Variants in DENND2A observed in about 807,000 individuals in gnomAD.
DENND2A encodes DENN domain-containing protein 2A.
In DENND2A, 53 loss-of-function variants were observed where a neutral mutation model predicts 105.3. The ratio of observed to expected loss-of-function variants is 0.50; its 90% CI spans 0.40 to 0.63. The LOEUF is 0.63. Ranked by LOEUF, DENND2A falls within the 30% of genes least tolerant of loss-of-function variation. The pLI is 0.00. For missense variants in DENND2A, 1,138 were observed against 1,279.6 expected, an observed-to-expected ratio of 0.89 and a Z score of 1.69; for synonymous variants, 522 against 508.4, an observed-to-expected ratio of 1.03 and a Z score of -0.36.
chr7:140,547,239 C>T (rs1796945956), intron 12 of DENND2A, among the ~76,000 whole-genome samples: 1 of 152,162 alleles, frequency 6.6e-6, no homozygotes, highest in African/African-American at 2.4e-5. Flanking sequence ...TACATGCATT[C>T]TCAATGAAGG....
In DENND2A at chr7:140,527,994, C is replaced by T. The variant is rs751939133; in HGVS notation, c.2328-499G>A. Reference sequence around the variant, plus strand: ...TAGCTGGGACTGCAGGCACGCGCCACCACACCTGGCTAATTTTTGCATTTT... The same window carrying T: ...TAGCTGGGACTGCAGGCACGCGCCATCACACCTGGCTAATTTTTGCATTTT... On this transcript the variant is annotated intron_variant, in intron 14 of 19. Coordinates refer to ENST00000496613, the MANE Select transcript of DENND2A (RefSeq NM_015689.5). This position sits in a 1 kb window ranked among gnomAD's most constrained non-coding sequence, Gnocchi z 4.9. Among the ~76,000 whole-genome samples, 79 of 151,986 alleles carry T rather than the reference C, an allele frequency of 5.2e-4. 1 individual carries two copies. The highest frequency in any genetic ancestry group is 9.0e-4 in the Non-Finnish European group (61 of 68,018).
intron 14 of DENND2A, among the ~76,000 whole-genome samples, chr7:140,538,245 C>T (rs1392733140): frequency 1.3e-5 from 2 of 152,108 alleles, no homozygotes; most frequent in Non-Finnish European, 2.9e-5. Flanking sequence ...GAGAGTGCTG[C>T]GGGGGTGGCT....
intron 5 of DENND2A, among the ~76,000 whole-genome samples, chr7:140,580,550 C>T (rs1337326848): frequency 1.3e-5 from 2 of 152,210 alleles, no homozygotes; most frequent in Admixed American, 1.3e-4. Context: ...GAATGCCTGG[C>T]CTCAAGCAAT....
Position 140,602,362 on chromosome 7 carries a change from G to A in DENND2A, c.36C>T (p.Asp12=). 2.5e-6 allele frequency: 4 copies of A among 1,590,080 alleles called. No individual in the cohort carries two copies. The highest frequency in any genetic ancestry group is 2.2e-5 in the South Asian group (2 of 90,478). The part of the protein sequence containing the change: ...DMFSLDMIIS[D]PAAEASRAGK... ...CAGCCCTGCTGGCTTCTGCAGCTGG[G>A]TCACTGATGATCATATCCAAGCTGA... The change falls in exon 3 of 20, where the codon GAC becomes GAT. Residue 12 remains aspartate (D), a synonymous_variant. Coordinates refer to ENST00000496613, the MANE Select transcript of DENND2A (RefSeq NM_015689.5).
At position 140,523,764 on chromosome 7, in the gene DENND2A, A is replaced by C. The variant is rs542582094; in HGVS notation, c.2548-340T>G. Among the ~76,000 whole-genome samples, 103 of 152,134 alleles carry C rather than the reference A, an allele frequency of 6.8e-4. 1 individual carries two copies. Among genetic ancestry groups the C allele is most frequent in the Admixed American group, 3.6e-3 (55 of 15,266 alleles). ...TAATGTTTTGTATTTTTAGTAGTTT[A>C]GTTTCACCATGTTAGCCAGGCTGGT... On this transcript the variant is annotated intron_variant, in intron 16 of 19. Coordinates refer to ENST00000496613, the MANE Select transcript of DENND2A (RefSeq NM_015689.5). This position sits in a 1 kb window ranked among gnomAD's most constrained non-coding sequence, Gnocchi z 4.5.
chr7:140,591,013 TG>T (rs1362322697), intron 3 of DENND2A, among the ~76,000 whole-genome samples: 1 of 152,000 alleles, frequency 6.6e-6, no homozygotes, highest in Non-Finnish European at 1.5e-5. Context: ...AAAATGAAGA[TG>T]GGGGTGGGCG....
At chr7:140,572,571 G>A (rs1018944772) in intron 6 of DENND2A, among the ~76,000 whole-genome samples, 1 of 151,454 alleles carries the variant, frequency 6.6e-6, no homozygotes, top group African/African-American at 2.4e-5. Flanking sequence ...GACCAGCCTG[G>A]TCAATATGGT....
chr7:140,635,441 T>A (rs1800887950), intron 1 of DENND2A, among the ~76,000 whole-genome samples: 4 of 152,186 alleles, frequency 2.6e-5, no homozygotes, highest in Admixed American at 2.6e-4. Context: ...GATAAGCCCT[T>A]CAGATAAGAT....
chr7:140,592,454 G>C (rs1235924221), intron 3 of DENND2A, among the ~76,000 whole-genome samples: 2 of 151,886 alleles, frequency 1.3e-5, no homozygotes, highest in South Asian at 2.1e-4. Context: ...GTTGTGATCT[G>C]CCCACCTCAG....
intron 1 of DENND2A, among the ~76,000 whole-genome samples, chr7:140,638,622 G>A (rs547511650): frequency 7.9e-5 from 12 of 152,142 alleles, no homozygotes; most frequent in African/African-American, 2.2e-4. Flanking sequence ...GACAGCTCCC[G>A]CCTCACCTCT....
At chr7:140,566,994 C>T (rs1797864938) in intron 9 of DENND2A, 92 bp downstream of exon 9, 15 of 1,197,288 alleles carry the variant, frequency 1.3e-5, no homozygotes, top group Non-Finnish European at 1.7e-5. Flanking sequence ...GCTAGGTGTT[C>T]CTCAGACTCC....
At chr7:140,621,746 C>A (rs1453329586) in intron 1 of DENND2A, among the ~76,000 whole-genome samples, 1 of 152,130 alleles carries the variant, frequency 6.6e-6, no homozygotes, top group Non-Finnish European at 1.5e-5. Context: ...ATAAGATGCA[C>A]ATGAATGTCT....
rs1219653930 is a variant in DENND2A at position 140,544,632 on chromosome 7, A to G, written c.2313T>C (p.Ile771=). Residue 771 remains isoleucine, a synonymous_variant, in exon 14 of 20, where the codon ATT becomes ATC. Coordinates refer to ENST00000496613, the MANE Select transcript of DENND2A (RefSeq NM_015689.5). ...SLLLERRVIF[I]ADKLSILSKC... ...AAGGCGGGTACCTGAGCTTGTCTGCAATGAAGATGACCCTCCTCTCCAGAA... is the reference window on the plus strand; with the variant it reads ...AAGGCGGGTACCTGAGCTTGTCTGCGATGAAGATGACCCTCCTCTCCAGAA... 1.9e-6 allele frequency: 3 copies of G among 1,614,062 alleles called. No individual in the cohort carries two copies. Among genetic ancestry groups the G allele is most frequent in the Non-Finnish European group, 2.5e-6 (3 of 1,180,044 alleles).
At chr7:140,537,743 A>G (rs1028653562) in intron 14 of DENND2A, among the ~76,000 whole-genome samples, 3 of 152,264 alleles carry the variant, frequency 2.0e-5, no homozygotes, top group Non-Finnish European at 2.9e-5. Flanking sequence ...GGCTCAAGCA[A>G]TCCTCCTGCT....
chr7:140,530,278 G>A (rs1395705365), intron 14 of DENND2A, among the ~76,000 whole-genome samples: 1 of 152,044 alleles, frequency 6.6e-6, no homozygotes, highest in South Asian at 2.1e-4. Flanking sequence ...ATCTTTATAT[G>A]ACAATTAAAA....
chr7:140,609,461 C>T (rs1799813264), intron 1 of DENND2A, among the ~76,000 whole-genome samples: 2 of 152,052 alleles, frequency 1.3e-5, no homozygotes, highest in Non-Finnish European at 2.9e-5. Context: ...TGCAGTAAGC[C>T]GAGATCGCCC....
intron 3 of DENND2A, among the ~76,000 whole-genome samples, chr7:140,590,895 A>AATAATAATAATAATAATAATAAT (rs775140274): frequency 0.013 from 1,994 of 151,910 alleles, 15 homozygotes; most frequent in African/African-American, 0.021. Flanking sequence ...ATAATAATAA[A>AATAATAATAATAATAATAATAAT]AAAAAGGTCA....
chr7:140,531,231 T>C (rs144140137), intron 14 of DENND2A, among the ~76,000 whole-genome samples: 104 of 152,354 alleles, frequency 6.8e-4, no homozygotes, highest in African/African-American at 2.4e-3. Context: ...TATTTTTTTA[T>C]TTTAGGACTA....
At chr7:140,574,675 G>A (rs1174866141) in intron 5 of DENND2A, among the ~76,000 whole-genome samples, 1 of 152,184 alleles carries the variant, frequency 6.6e-6, no homozygotes, top group Non-Finnish European at 1.5e-5. Flanking sequence ...TTTTATACAA[G>A]GAATTGTGTT....
Sources: gnomAD v4.1 joint callset for allele counts (sites outside exome capture counted in the v4.1 genomes callset) on GRCh38, gnomAD v4.1.1 for gene constraint, Gnocchi (gnomAD v3.1) non-coding constraint, MANE v1.5 for transcripts, NCBI Gene and HGNC (gene_info 2026-07-23, HGNC 2026-07-21) for gene names.